Variants in PCDHGB1 observed in about 807,000 individuals in gnomAD.
PCDHGB1 encodes the protein protocadherin gamma-B1.
Under a neutral mutation model 56.6 loss-of-function variants are expected in PCDHGB1, and 34 were observed. The ratio of observed to expected loss-of-function variants is 0.60; its 90% CI spans 0.46 to 0.80. The LOEUF (loss-of-function observed/expected upper bound fraction) is 0.80. Among genes scored for constraint, PCDHGB1 ranks in the 30% least tolerant of loss-of-function variants. The probability of loss-of-function intolerance (pLI) is 0.00; values close to 1 mark genes in which losing one functional copy is unlikely to be tolerated. For synonymous variants in PCDHGB1, 561 were observed against 505.9 expected (o/e 1.11, Z -1.46); for missense variants, 1,278 against 1,204.6 (o/e 1.06, Z -0.90).
intron 1 of PCDHGB1, chr5:141,478,153 T>G (rs1477175391): frequency 3.1e-6 from 5 of 1,613,934 alleles, no homozygotes; most frequent in Middle Eastern, 1.6e-4. Flanking sequence ...AGTTCCCCTC[T>G]GGCTCTGCCC....
chr5:141,500,989 C>T (rs779352768), intron 2 of PCDHGB1, among the ~76,000 whole-genome samples: 1 of 152,040 alleles, frequency 6.6e-6, no homozygotes, highest in Non-Finnish European at 1.5e-5. Context: ...CTGCCTCAGC[C>T]TCCTGAGTAG....
intron 1 of PCDHGB1, chr5:141,421,154 G>A: frequency 8.7e-7 from 1 of 1,151,318 alleles, no homozygotes; most frequent in South Asian, 1.6e-5. Flanking sequence ...GTCGGCCTAG[G>A]ACTTCATAGA....
At chr5:141,372,139 C>A (rs2149999954) in intron 1 of PCDHGB1, 1 of 1,613,756 alleles carries the variant, frequency 6.2e-7, no homozygotes, top group African/African-American at 1.3e-5. Flanking sequence ...CCGCGCTCTG[C>A]AGAGCCTGGC....
chr5:141,375,844 G>A (rs1771971426), intron 1 of PCDHGB1: 2 of 1,614,082 alleles, frequency 1.2e-6, no homozygotes, highest in Non-Finnish European at 8.5e-7. Context: ...CCGGCTACCT[G>A]GTGACCAAGG....
chr5:141,357,356 G>A (rs1340462933), intron 1 of PCDHGB1: 1 of 1,614,120 alleles, frequency 6.2e-7, no homozygotes, highest in Non-Finnish European at 8.5e-7. Flanking sequence ...CTGAGACGCT[G>A]GCACAAGTCA....
In PCDHGB1 at chr5:141,476,466, A is replaced by C. The variant is rs771760524; in HGVS notation, c.2410-18341A>C. The C allele has an allele frequency of 6.2e-7, 1 of 1,613,996 alleles. No individual in the cohort carries two copies. Reference sequence around the variant, plus strand: ...GAGTTGGTAGTGGAGAACCCGCTGGAGCTGTTCAGCGTGGAAGTGGTGATC... The same window carrying C: ...GAGTTGGTAGTGGAGAACCCGCTGGCGCTGTTCAGCGTGGAAGTGGTGATC... On this transcript the variant is annotated intron_variant, in intron 1 of 3. Transcript: ENST00000523390. This position sits in a 1 kb window ranked among gnomAD's most constrained non-coding sequence, Gnocchi z 7.6.
Position 141,491,900 on chromosome 5 carries a change from G to T in PCDHGB1, c.2410-2907G>T. The T allele has an allele frequency of 7.0e-7, 1 of 1,429,936 alleles. No homozygotes were observed. The highest frequency in any genetic ancestry group is 1.5e-5 in the South Asian group (1 of 67,072). 88.6% of individuals were successfully genotyped at this position (1,429,936 alleles called of 1,614,324 possible). A position where few individuals can be genotyped will look rare whatever the true frequency, so the allele number is the denominator to read the frequency against. ...TAAGGGATGGGGCTCCGAGCACCGG[G>T]GGTGGTGGCGACTGTGGGCGAGGGG... On this transcript the variant is annotated intron_variant, in intron 1 of 3. Transcript: ENST00000523390. This position sits in a 1 kb window ranked among gnomAD's most constrained non-coding sequence, Gnocchi z 6.9.
At position 141,505,378 on chromosome 5, in the gene PCDHGB1, C is replaced by T. The variant is rs376550639; in HGVS notation, c.2469-15C>T. 2 of 1,614,034 alleles carry T rather than the reference C, an allele frequency of 1.2e-6. No homozygotes were observed. The highest frequency in any genetic ancestry group is 2.2e-5 in the East Asian group (1 of 44,872). On this transcript the variant is annotated splice_polypyrimidine_tract_variant and intron_variant, in intron 2 of 3. Transcript: ENST00000523390. ...GGCCTGGGAGTCTGTGCTCACCATC[C>T]TACTCTCTCCCCAGCTCCCAAAATG...
Position 141,486,589 on chromosome 5 carries a change from C to T in PCDHGB1, c.2410-8218C>T. On this transcript the variant is annotated intron_variant, in intron 1 of 3. Transcript: ENST00000523390. The surrounding 1 kb of genome is among the most constrained non-coding windows in gnomAD (Gnocchi z 5.0). ...TTCCTGAGAACAATCGCCCAGGGGA[C>T]CTGCTTTGCTCCCTTGCAGCCTCTG... 1 of 1,613,676 alleles carries T rather than the reference C, an allele frequency of 6.2e-7. No individual in the cohort carries two copies. Among genetic ancestry groups the T allele is most frequent in the African/African-American group, 1.3e-5 (1 of 75,064 alleles).
intron 1 of PCDHGB1, chr5:141,409,395 C>T: frequency 6.2e-7 from 1 of 1,614,030 alleles, no homozygotes; most frequent in South Asian, 1.1e-5. Flanking sequence ...TATTCTTCTT[C>T]CAATAACTAC....
rs115262984 is a variant in PCDHGB1 at position 141,463,089 on chromosome 5, C to T, written c.2410-31718C>T. ...AATGAAATTCAAACATTTTCCAGCC[C>T]TATGTGACCATCAAGAATTCAGCTA... On this transcript the variant is annotated intron_variant, in intron 1 of 3. Coordinates refer to ENST00000523390, the MANE Select transcript of PCDHGB1 (RefSeq NM_018922.3). Among the ~76,000 whole-genome samples the T allele has an allele frequency of 2.5e-3, 374 of 152,264 alleles. 2 individuals are homozygous for T. Among genetic ancestry groups the T allele is most frequent in the African/African-American group, 8.7e-3 (360 of 41,552 alleles).
chr5:141,362,610 G>T, intron 1 of PCDHGB1: 1 of 1,557,774 alleles, frequency 6.4e-7, no homozygotes, highest in Non-Finnish European at 8.7e-7. Flanking sequence ...CACCTAATTT[G>T]GGTAGGAAGT....
chr5:141,408,108 A>T, intron 1 of PCDHGB1: 1 of 1,441,874 alleles, frequency 6.9e-7, no homozygotes, highest in Non-Finnish European at 9.1e-7. Flanking sequence ...GAGACCCGGG[A>T]CTCCTCCTGT....
intron 1 of PCDHGB1, among the ~76,000 whole-genome samples, chr5:141,369,558 C>A (rs1389001825): frequency 6.6e-6 from 1 of 152,088 alleles, no homozygotes; most frequent in Non-Finnish European, 1.5e-5. Flanking sequence ...CACTTGGAAA[C>A]AAAGGAAAAG....
At chr5:141,427,869 AC>A in intron 1 of PCDHGB1, 1 of 1,559,604 alleles carries the variant, frequency 6.4e-7, no homozygotes, top group Non-Finnish European at 8.8e-7. Context: ...CTTCGAGCTC[AC>A]GATGCAGGCC....
At chr5:141,441,859 G>T in intron 1 of PCDHGB1, 1 of 348,078 alleles carries the variant, frequency 2.9e-6, no homozygotes. Context: ...GGTGCTGCAC[G>T]CCGCGGAGCC....
intron 1 of PCDHGB1, chr5:141,479,399 T>C (rs2099494765): frequency 6.6e-6 from 1 of 152,576 alleles, no homozygotes; most frequent in African/African-American, 2.4e-5. Flanking sequence ...AGTTCTGGGC[T>C]GTGGTGCACT....
chr5:141,412,942 A>G, intron 1 of PCDHGB1: 1 of 465,476 alleles, frequency 2.1e-6, no homozygotes, highest in Non-Finnish European at 3.8e-6. Flanking sequence ...TAGGACTCTG[A>G]GCGCCGCTGT....
At position 141,398,050 on chromosome 5, in the gene PCDHGB1, T is replaced by C. The variant is rs558695876; in HGVS notation, c.2409+45381T>C. Reference sequence around the variant, plus strand: ...ACTGGAACTAAAGCCCGTTCGGAGATCCAAAAATCTACAATACAGAGGTTA... The same window carrying C: ...ACTGGAACTAAAGCCCGTTCGGAGACCCAAAAATCTACAATACAGAGGTTA... On this transcript the variant is annotated intron_variant, in intron 1 of 3. Coordinates refer to ENST00000523390, the MANE Select transcript of PCDHGB1 (RefSeq NM_018922.3). 12 of 1,510,524 alleles carry C rather than the reference T, an allele frequency of 7.9e-6. No individual in the cohort carries two copies. The African/African-American group carries it at 1.1e-4, about 14-fold the overall frequency. 93.6% of individuals were successfully genotyped at this position (1,510,524 alleles called of 1,614,324 possible). A position where few individuals can be genotyped will look rare whatever the true frequency, so the allele number is the denominator to read the frequency against.
Sources: allele counts gnomAD v4.1 joint callset (sites outside exome capture counted in the v4.1 genomes callset), GRCh38; gene constraint gnomAD v4.1.1; non-coding constraint Gnocchi (gnomAD v3.1); transcripts MANE v1.5; gene names NCBI Gene and HGNC (gene_info 2026-07-23, HGNC 2026-07-21).